TNRC6C: variants seen among roughly 807,000 people sequenced by gnomAD.
TNRC6C encodes trinucleotide repeat-containing gene 6C protein.
In TNRC6C, 20 loss-of-function variants were observed where a neutral mutation model predicts 153.7. The ratio of observed to expected loss-of-function variants is 0.13; its 90% CI spans 0.09 to 0.19. The LOEUF (loss-of-function observed/expected upper bound fraction) is 0.19. TNRC6C is among the 10% of genes least tolerant of loss of function. The pLI is 1.00. For synonymous variants in TNRC6C, 811 were observed against 841.4 expected (o/e 0.96, Z 0.63); for missense variants, 1,987 against 2,172.0 (o/e 0.91, Z 1.69).
At chr17:77,973,410 G>A (rs747817205) in intron 1 of TNRC6C, among the ~76,000 whole-genome samples, 9 of 152,130 alleles carry the variant, frequency 5.9e-5, no homozygotes, top group East Asian at 1.9e-4. Flanking sequence ...AGTGAATGAC[G>A]GAATGCTTTC....
chr17:78,001,100 TGA>T (rs1369725414), upstream of TNRC6C, among the ~76,000 whole-genome samples: 3 of 152,332 alleles, frequency 2.0e-5, no homozygotes, highest in Middle Eastern at 3.4e-3. Context: ...CTCCAAAATA[TGA>T]GTGTTGCTCC....
exon 3 of TNRC6C, chr17:78,050,519 C>T (rs750574442): frequency 6.2e-7 from 1 of 1,613,954 alleles, no homozygotes; most frequent in East Asian, 2.2e-5. Flanking sequence ...GCTACTCAGG[C>T]TTCAAACTCA....
chr17:78,006,225 C>T (rs563442737), intron 1 of TNRC6C, among the ~76,000 whole-genome samples: 5 of 152,136 alleles, frequency 3.3e-5, no homozygotes, highest in Admixed American at 2.0e-4. Context: ...GGTCTCTGAA[C>T]CTCTAGACTA....
chr17:78,100,850 A>C lies in TNRC6C; in HGVS notation c.4502-1624A>C, dbSNP rs2073580789. Among the ~76,000 whole-genome samples, 3 of 136,066 alleles carry C rather than the reference A, an allele frequency of 2.2e-5. No individual in the cohort carries two copies. The South Asian group carries it at 6.8e-4, about 31-fold the overall frequency. 89.3% of individuals were successfully genotyped at this position (136,066 alleles called of 152,430 possible). A position where few individuals can be genotyped will look rare whatever the true frequency, so the allele number is the denominator to read the frequency against. ...GAGTACAGTGGCGTGATCTCGGCTC[A>C]CTGCAACCTCTGCCTCCCAGGTTCA... On this transcript the variant is annotated intron_variant, in intron 17 of 19. Coordinates refer to ENST00000301624, the Ensembl canonical transcript of TNRC6C.
intron 1 of TNRC6C, among the ~76,000 whole-genome samples, chr17:77,977,058 GATAA>G (rs1467644557): frequency 1.2e-4 from 18 of 148,450 alleles, no homozygotes; most frequent in Non-Finnish European, 2.7e-4. Flanking sequence ...ATCATTATAT[GATAA>G]ATGTTTCCAG....
intron 1 of TNRC6C, among the ~76,000 whole-genome samples, chr17:78,025,945 G>C (rs973175665): frequency 6.6e-6 from 1 of 152,172 alleles, no homozygotes; most frequent in Non-Finnish European, 1.5e-5. Context: ...TTCAGAATTA[G>C]AAGGAGCCTT....
At chr17:77,977,623 G>T (rs1379905013) in intron 1 of TNRC6C, among the ~76,000 whole-genome samples, 1 of 152,032 alleles carries the variant, frequency 6.6e-6, no homozygotes, top group Non-Finnish European at 1.5e-5. Context: ...AAACAAGAAA[G>T]AAATTTTAAT....
intron 1 of TNRC6C, among the ~76,000 whole-genome samples, chr17:78,007,974 C>T (rs750709012): frequency 6.6e-5 from 10 of 152,160 alleles, no homozygotes; most frequent in African/African-American, 1.4e-4. Context: ...TTGTTTTAAA[C>T]ATTTTCAAGG....
intron 15 of TNRC6C, 182 bp downstream of exon 17, chr17:78,093,306 C>A: frequency 2.6e-6 from 2 of 769,128 alleles, no homozygotes; most frequent in Non-Finnish European, 4.1e-6. Flanking sequence ...TGGTTAGCAT[C>A]AGGCATTTTT....
intron 1 of TNRC6C, among the ~76,000 whole-genome samples, chr17:77,964,833 A>G (rs1045530612): frequency 1.3e-5 from 2 of 152,188 alleles, no homozygotes; most frequent in African/African-American, 4.8e-5. Flanking sequence ...CCCAGAGTGT[A>G]GGGAGGGAAT....
chr17:78,058,889 T>A (rs944149663), intron 3 of TNRC6C, among the ~76,000 whole-genome samples: 1 of 152,236 alleles, frequency 6.6e-6, no homozygotes, highest in African/African-American at 2.4e-5. Context: ...AAAACTTAGT[T>A]TTCTGAAACA....
chr17:78,082,338 T>C (rs2073196262), intron 10 of TNRC6C, among the ~76,000 whole-genome samples: 1 of 151,892 alleles, frequency 6.6e-6, no homozygotes, highest in Non-Finnish European at 1.5e-5. Context: ...GATGAAGTAA[T>C]TCTTTAACAT....
chr17:78,060,707 T>C (rs2072750624), intron 3 of TNRC6C, among the ~76,000 whole-genome samples: 1 of 152,064 alleles, frequency 6.6e-6, no homozygotes, highest in South Asian at 2.1e-4. Context: ...GGCCTAGTCC[T>C]TTATCATATA....
chr17:78,103,302 A>G, intron 18 of TNRC6C, 112 bp from the exon 22 acceptor site: 1 of 1,312,930 alleles, frequency 7.6e-7, no homozygotes, highest in Non-Finnish European at 1.0e-6. Flanking sequence ...CCTTTTAAAG[A>G]AAAACATTCC....
intron 13 of TNRC6C, among the ~76,000 whole-genome samples, chr17:78,088,649 G>T (rs1235149258): frequency 3.4e-5 from 5 of 148,424 alleles, no homozygotes; most frequent in African/African-American, 1.2e-4. Flanking sequence ...TTTTTGGCTG[G>T]AGTGCAGTGG....
chr17:77,998,555 C>T (rs2071364231), intron 1 of TNRC6C, among the ~76,000 whole-genome samples: 1 of 152,124 alleles, frequency 6.6e-6, no homozygotes, highest in African/African-American at 2.4e-5. Flanking sequence ...AGTAATTTTT[C>T]TCTGTTAAGT....
chr17:78,004,349 G>A, upstream of TNRC6C: 1 of 1,224,528 alleles, frequency 8.2e-7, no homozygotes, highest in Non-Finnish European at 1.0e-6. Flanking sequence ...ATATGACAAG[G>A]TTTCATTCTG....
In TNRC6C at chr17:78,093,748, C is replaced by T; in HGVS notation, c.4291C>T (p.Leu1431Phe). 1 of 1,613,940 alleles carries T rather than the reference C, an allele frequency of 6.2e-7. No homozygotes were observed. Reference sequence around the variant, plus strand: ...CACCATCCAGGATGTCAACCGCTACCTCCTCAAGAGTGGAGGTGAGGGTGC... The same window carrying T: ...CACCATCCAGGATGTCAACCGCTACTTCCTCAAGAGTGGAGGTGAGGGTGC... The change falls in exon 16 of 20, where the codon CTC becomes TTC. Residue 1431 changes from leucine (L) to phenylalanine (F), a missense_variant. By Grantham distance (22) the Leu-to-Phe change is conservative. Coordinates refer to ENST00000301624, the Ensembl canonical transcript of TNRC6C.
At chr17:78,095,519 G>A (rs1461626822) in intron 16 of TNRC6C, among the ~76,000 whole-genome samples, 2 of 152,224 alleles carry the variant, frequency 1.3e-5, no homozygotes, top group Non-Finnish European at 2.9e-5. Context: ...CCGGGTGCTC[G>A]ACGTTTGGGT....
Sources: gnomAD v4.1 joint callset for allele counts (sites outside exome capture counted in the v4.1 genomes callset) on GRCh38, gnomAD v4.1.1 for gene constraint, MANE v1.5 for transcripts, NCBI Gene and HGNC (gene_info 2026-07-23, HGNC 2026-07-21) for gene names.